The following PUS1 variants were observed in gnomAD, a reference collection of about 807,000 sequenced individuals.
PUS1 encodes pseudouridine synthase 1.
In PUS1, 25 loss-of-function variants were observed where a neutral mutation model predicts 38.5. The observed-to-expected ratio is 0.65, with a 90% confidence interval of 0.47 to 0.91. The LOEUF is 0.91. PUS1 is among the 40% of genes least tolerant of loss of function. PUS1 has a pLI of 0.00. For missense variants in PUS1, 597 were observed against 612.3 expected, an observed-to-expected ratio of 0.97 and a Z score of 0.26; for synonymous variants, 282 against 260.4, an observed-to-expected ratio of 1.08 and a Z score of -0.80.
Position 131,942,000 on chromosome 12 carries a change from A to G in PUS1, c.1236+17A>G. On this transcript the variant is annotated intron_variant, in intron 5 of 5. Transcript: ENST00000376649. This position sits in a 1 kb window ranked among gnomAD's most constrained non-coding sequence, Gnocchi z 4.4. ...GGCGCCAAGGTAGGGGCACAGTCCC[A>G]GCAGTGCTCAGCAGAACACAGGCCC... The G allele has an allele frequency of 2.5e-6, 4 of 1,593,342 alleles. No homozygotes were observed. The highest frequency in any genetic ancestry group is 3.4e-6 in the Non-Finnish European group (4 of 1,166,190).
chr12:131,936,875 A>C lies in PUS1; in HGVS notation c.442-2298A>C, dbSNP rs551688928. 3.9e-3 allele frequency among the ~76,000 whole-genome samples: 598 copies of C among 152,198 alleles called. 1 individual carries two copies. Among genetic ancestry groups the C allele is most frequent in the Non-Finnish European group, 5.8e-3 (393 of 67,976 alleles). ...CTGAGCTCCAGCCTGGCAAAAAAAA[A>C]AAAAAGTATACAGTTTAGTGATTCC... is the stretch of plus-strand genomic sequence containing the variant. On this transcript the variant is annotated intron_variant, in intron 3 of 5. Coordinates refer to ENST00000376649, the MANE Select transcript of PUS1 (RefSeq NM_025215.6).
At chr12:131,940,438 T>C (rs1256834223) in intron 4 of PUS1, among the ~76,000 whole-genome samples, 1 of 152,222 alleles carries the variant, frequency 6.6e-6, no homozygotes, top group African/African-American at 2.4e-5. Flanking sequence ...ACGGATTGTT[T>C]ATACAGTTAC....
In PUS1 at chr12:131,944,300, G is replaced by A. The variant is rs1891209925; in HGVS notation, c.*714G>A. 1 of 152,232 alleles carries A rather than the reference G, an allele frequency of 6.6e-6. No individual in the cohort carries two copies. Among genetic ancestry groups the A allele is most frequent in the African/African-American group, 2.4e-5 (1 of 41,348 alleles). 9.4% of individuals were successfully genotyped at this position (152,232 alleles called of 1,614,324 possible). On this transcript the variant is annotated 3_prime_UTR_variant, in exon 6 of 6. Coordinates refer to ENST00000376649, the MANE Select transcript of PUS1 (RefSeq NM_025215.6). Reference sequence around the variant, plus strand: ...AGGCTGAGGCAGGTGGATTACTTGAGGTCGGGAGTTTGAGACCAGCCTGAC... The same window carrying A: ...AGGCTGAGGCAGGTGGATTACTTGAAGTCGGGAGTTTGAGACCAGCCTGAC...
At position 131,929,718 on chromosome 12, in the gene PUS1, T is replaced by G. The variant is rs550249669; in HGVS notation, c.-5T>G. 1 of 1,585,520 alleles carries G rather than the reference T, an allele frequency of 6.3e-7. No individual in the cohort carries two copies. Among genetic ancestry groups the G allele is most frequent in the Admixed American group, 1.7e-5 (1 of 58,682 alleles). ...GGCGGGGTCGGGTGCACTGGTAGCC[T>G]GCGCATGGGCCTCCAGCTTCGCGCG... On this transcript the variant is annotated 5_prime_UTR_variant, in exon 1 of 6. Coordinates refer to ENST00000376649, the MANE Select transcript of PUS1 (RefSeq NM_025215.6).
chr12:131,930,048 T>G lies in PUS1; in HGVS notation c.216T>G (p.Gly72=), dbSNP rs766451588. Residue 72 remains glycine, a synonymous_variant, in exon 2 of 6, where the codon GGT becomes GGG. Transcript: ENST00000376649. ...GEHPAKKLKS[G]GDEERREKPP... ...ATCCGGCGAAGAAGCTCAAGAGCGG[T>G]GGCGACGAGGAGCGGCGCGAGAAGC... 8.3e-6 allele frequency: 12 copies of G among 1,450,004 alleles called. No homozygotes were observed. Among genetic ancestry groups the G allele is most frequent in the Non-Finnish European group, 1.1e-5 (12 of 1,102,972 alleles). The allele number at this position is 1,450,004 out of a possible 1,614,324, so 89.8% of individuals were successfully genotyped here.
chr12:131,935,948 C>T (rs577623533), intron 3 of PUS1, among the ~76,000 whole-genome samples: 10 of 152,166 alleles, frequency 6.6e-5, no homozygotes, highest in African/African-American at 1.4e-4. Flanking sequence ...TGGTGGCTCA[C>T]GCCTGTAATT....
intron 4 of PUS1, among the ~76,000 whole-genome samples, chr12:131,940,494 T>G (rs1182213350): frequency 6.6e-6 from 1 of 152,226 alleles, no homozygotes; most frequent in Non-Finnish European, 1.5e-5. Context: ...CTGTTAGAAG[T>G]AAAGCCACTA....
rs1042125065 is a variant in PUS1, at chr12:131,944,578, G to A, written c.*992G>A. The A allele has an allele frequency of 1.3e-5, 2 of 152,294 alleles. No homozygotes were observed. Among genetic ancestry groups the A allele is most frequent in the African/African-American group, 4.8e-5 (2 of 41,460 alleles). The allele number at this position is 152,294 out of a possible 1,614,324, so 9.4% of individuals were successfully genotyped here. On this transcript the variant is annotated 3_prime_UTR_variant, in exon 6 of 6. Coordinates refer to ENST00000376649, the MANE Select transcript of PUS1 (RefSeq NM_025215.6). The stretch of plus-strand genomic sequence containing the variant: ...AGGGTGGTCCCGAGGCAGGGCTGTG[G>A]AGGGCACTGAAGCAGGGGCCCCGCT...
intron 2 of PUS1, among the ~76,000 whole-genome samples, chr12:131,930,940 C>T (rs1890574430): frequency 6.6e-6 from 1 of 152,116 alleles, no homozygotes; most frequent in African/African-American, 2.4e-5. Flanking sequence ...TGATTACAGG[C>T]ATGAGCCACT....
At chr12:131,942,583 T>G (rs1193511561) in intron 5 of PUS1, among the ~76,000 whole-genome samples, 2 of 152,128 alleles carry the variant, frequency 1.3e-5, no homozygotes, top group Admixed American at 1.3e-4. Flanking sequence ...ATTTTTTGTA[T>G]TTTTAGTAGA....
chr12:131,934,679 G>A (rs1207669759), intron 3 of PUS1: 1 of 152,206 alleles, frequency 6.6e-6, no homozygotes, highest in Admixed American at 6.5e-5. Context: ...GCACCTGGGT[G>A]GCTTACCGCC....
intron 3 of PUS1, chr12:131,934,799 C>T (rs558236003): frequency 6.6e-6 from 1 of 152,240 alleles, no homozygotes; most frequent in Admixed American, 6.5e-5. Context: ...CCTTGCTCTT[C>T]CGAGTGCCTG....
intron 3 of PUS1, among the ~76,000 whole-genome samples, chr12:131,933,590 C>T (rs1259369820): frequency 6.6e-6 from 1 of 152,240 alleles, no homozygotes; most frequent in Non-Finnish European, 1.5e-5. Flanking sequence ...TTCACGTCCA[C>T]CCTGGACGCT....
In PUS1 at chr12:131,929,916, C is replaced by T; in HGVS notation, c.84C>T (p.Arg28=). 2 of 1,476,446 alleles carry T rather than the reference C, an allele frequency of 1.4e-6. No individual in the cohort carries two copies. Among genetic ancestry groups the T allele is most frequent in the South Asian group, 1.3e-5 (1 of 77,370 alleles). The allele number at this position is 1,476,446 out of a possible 1,614,324, so 91.5% of individuals were successfully genotyped here. A position where few individuals can be genotyped will look rare whatever the true frequency, so the allele number is the denominator to read the frequency against. Residue 28 remains arginine (R), a synonymous_variant, in exon 2 of 6, where the codon CGC becomes CGT. Coordinates refer to ENST00000376649, the MANE Select transcript of PUS1 (RefSeq NM_025215.6). ...RLGPRPSCSP[R]MAGNAEPPPA... ...CCGCCCTTCTCCGCAGCTCGCCGCGCATGGCCGGGAACGCGGAGCCGCCGC... is the reference window on the plus strand; with the variant it reads ...CCGCCCTTCTCCGCAGCTCGCCGCGTATGGCCGGGAACGCGGAGCCGCCGC...
At chr12:131,938,913 A>G (rs575710886) in intron 3 of PUS1, among the ~76,000 whole-genome samples, 4 of 152,120 alleles carry the variant, frequency 2.6e-5, no homozygotes, top group African/African-American at 9.6e-5. Context: ...AGTAGAGACT[A>G]ACAATACATT....
rs545828247 is a variant in PUS1, at chr12:131,933,216, T to A, written c.441+904T>A. 3.9e-4 allele frequency among the ~76,000 whole-genome samples: 54 copies of A among 137,550 alleles called. 1 individual carries two copies. The South Asian group carries it at 0.011, about 28-fold the overall frequency. The allele number at this position is 137,550 out of a possible 152,430, so 90.2% of individuals were successfully genotyped here. A position where few individuals can be genotyped will look rare whatever the true frequency, so the allele number is the denominator to read the frequency against. On this transcript the variant is annotated intron_variant, in intron 3 of 5. Transcript: ENST00000376649. Reference sequence around the variant, plus strand: ...CTAAATTTTTTTTTTTTTTTTTTTTTAATATGGGGTCTTGCTGTGTTGCTC... The same window carrying A: ...CTAAATTTTTTTTTTTTTTTTTTTTAAATATGGGGTCTTGCTGTGTTGCTC...
At position 131,945,008 on chromosome 12, in the gene PUS1, T is replaced by C. The variant is rs557647496; in HGVS notation, c.*1422T>C. 5 of 152,366 alleles carry C rather than the reference T, an allele frequency of 3.3e-5. No individual in the cohort carries two copies. Among genetic ancestry groups the C allele is most frequent in the South Asian group, 2.1e-4 (1 of 4,830 alleles). The allele number at this position is 152,366 out of a possible 1,614,324, so 9.4% of individuals were successfully genotyped here. On this transcript the variant is annotated 3_prime_UTR_variant, in exon 6 of 6. Coordinates refer to ENST00000376649, the MANE Select transcript of PUS1 (RefSeq NM_025215.6). The stretch of plus-strand genomic sequence containing the variant: ...GCGGAGGAAGTGCCGTGCATACACG[T>C]GGCCTCCCAGCCTGCAGCCCGTGGG...
Position 131,943,708 on chromosome 12 carries a change from C to T in PUS1, c.*122C>T, listed in dbSNP as rs747836180. 1.4e-4 allele frequency: 115 copies of T among 826,722 alleles called. No homozygotes were observed. The highest frequency in any genetic ancestry group is 1.9e-4 in the Non-Finnish European group (92 of 485,570). 51.2% of individuals were successfully genotyped at this position (826,722 alleles called of 1,614,324 possible). A position where few individuals can be genotyped will look rare whatever the true frequency, so the allele number is the denominator to read the frequency against. On this transcript the variant is annotated 3_prime_UTR_variant, in exon 6 of 6. Coordinates refer to ENST00000376649, the MANE Select transcript of PUS1 (RefSeq NM_025215.6). ...AGCCATGTTTTCCCGGCCATGCCGG[C>T]GTTGTAACCTCAGGACCTTCCCTTG...
At position 131,943,561 on chromosome 12, in the gene PUS1, GT is replaced by G. The variant is rs1394332635; in HGVS notation, c.1260del (p.Ser420ArgfsTer126). ...CAGGTGCCCAGTCCCCTGGAAGGCA[GT>G]GAAGGGGACGGAGACACTGACTGAG... ...GAKVPSPLEG[S>X]EGDGDTD On this transcript the variant is annotated frameshift_variant, in exon 6 of 6. Coordinates refer to ENST00000376649, the MANE Select transcript of PUS1 (RefSeq NM_025215.6). LOFTEE classifies it high-confidence loss of function. 2.5e-6 allele frequency: 4 copies of G among 1,613,748 alleles called. No homozygotes were observed. Among genetic ancestry groups the G allele is most frequent in the Non-Finnish European group, 8.5e-7 (1 of 1,179,756 alleles).
Sources: allele counts gnomAD v4.1 joint callset (sites outside exome capture counted in the v4.1 genomes callset), GRCh38; gene constraint gnomAD v4.1.1; non-coding constraint Gnocchi (gnomAD v3.1); transcripts MANE v1.5; gene names NCBI Gene and HGNC (gene_info 2026-07-23, HGNC 2026-07-21).